The following STRBP variants were observed in gnomAD, a reference collection of about 807,000 sequenced individuals.
STRBP encodes the protein spermatid perinuclear RNA binding protein, also known as spermatid perinuclear RNA-binding protein.
In STRBP, 13 loss-of-function variants were observed where a neutral mutation model predicts 80.1. The ratio of observed to expected loss-of-function variants is 0.16; its 90% CI spans 0.11 to 0.26. The LOEUF (loss-of-function observed/expected upper bound fraction) is 0.26, where lower values mean the gene tolerates loss of function less well. Among genes scored for constraint, STRBP ranks in the 10% least tolerant of loss-of-function variants. The pLI is 1.00. For missense variants in STRBP, 485 were observed against 815.2 expected, an observed-to-expected ratio of 0.59 and a Z score of 4.93; for synonymous variants, 284 against 291.2, an observed-to-expected ratio of 0.98 and a Z score of 0.25.
Position 123,218,616 on chromosome 9 carries a change from G to A in STRBP, c.-165+18214C>T, listed in dbSNP as rs557731177. Among the ~76,000 whole-genome samples, 7 of 151,684 alleles carry A rather than the reference G, an allele frequency of 4.6e-5. No homozygotes were observed. In the East Asian group the frequency reaches 5.8e-4, roughly 13 times the overall value. On this transcript the variant is annotated intron_variant, in intron 2 of 18. Coordinates refer to ENST00000348403, the MANE Select transcript of STRBP (RefSeq NM_018387.5). ...GATCTCCTGACCTCATGATCCACCC[G>A]CCTCGGCCTCCCAAAGTGCTGGGAT...
intron 5 of STRBP, 73 bp from the exon 6 acceptor site, chr9:123,170,119 T>C: frequency 7.0e-7 from 1 of 1,425,260 alleles, no homozygotes; most frequent in East Asian, 2.6e-5. Flanking sequence ...AAACAATGCT[T>C]GTACTAAGTT....
chr9:123,259,244 T>C (rs1283992076), intron 1 of STRBP, among the ~76,000 whole-genome samples: 1 of 152,100 alleles, frequency 6.6e-6, no homozygotes, highest in East Asian at 1.9e-4. Flanking sequence ...GGTTTTGACC[T>C]GAGAAAATGG....
chr9:123,256,213 C>G (rs974695699), intron 1 of STRBP, among the ~76,000 whole-genome samples: 2 of 151,632 alleles, frequency 1.3e-5, no homozygotes, highest in African/African-American at 4.8e-5. Context: ...AAGATGTGGT[C>G]TCATTATGTT....
At chr9:123,133,605 C>T (rs763236257) in intron 16 of STRBP, among the ~76,000 whole-genome samples, 1 of 151,838 alleles carries the variant, frequency 6.6e-6, no homozygotes, top group Non-Finnish European at 1.5e-5. Context: ...ATGGTGCGAT[C>T]TCGACTCACT....
rs747163066 is a variant in STRBP at position 123,136,200 on chromosome 9, C to T, written c.1633-19G>A. On this transcript the variant is annotated intron_variant, in intron 15 of 18. Transcript: ENST00000348403. This position sits in a 1 kb window ranked among gnomAD's most constrained non-coding sequence, Gnocchi z 4.2. ...CTTCTACCTACAATCAAGAATAACA[C>T]CTTGCAATTATCCCATGCAATTCCT... The T allele has an allele frequency of 1.9e-6, 3 of 1,613,958 alleles. No homozygotes were observed. The highest frequency in any genetic ancestry group is 1.7e-5 in the Admixed American group (1 of 59,976).
In STRBP at chr9:123,147,057, G is replaced by A. The variant is rs775908892; in HGVS notation, c.1139-3C>T. The A allele has an allele frequency of 1.2e-6, 2 of 1,607,410 alleles. No individual in the cohort carries two copies. The highest frequency in any genetic ancestry group is 1.1e-5 in the South Asian group (1 of 90,040). Reference sequence around the variant, plus strand: ...GTCTATTGCTTTACTATCCAGAACTGTTAAAGAAAGAGGAATGAGGTCAGA... The same window carrying A: ...GTCTATTGCTTTACTATCCAGAACTATTAAAGAAAGAGGAATGAGGTCAGA... On this transcript the variant is annotated splice_polypyrimidine_tract_variant and splice_region_variant and intron_variant, in intron 12 of 18. Transcript: ENST00000348403.
chr9:123,132,714 A>T, intron 17 of STRBP, 131 bp downstream of exon 17: 1 of 1,296,360 alleles, frequency 7.7e-7, no homozygotes, highest in Non-Finnish European at 1.0e-6. Context: ...CTCTACTTTT[A>T]AATTTCTGTG....
intron 6 of STRBP, among the ~76,000 whole-genome samples, chr9:123,163,793 ACC>A (rs1263779037): frequency 6.6e-6 from 1 of 152,124 alleles, no homozygotes; most frequent in African/African-American, 2.4e-5. Flanking sequence ...AAACACTGCT[ACC>A]CTTGGTAGCA....
At chr9:123,196,727 A>C (rs2039105041) in intron 2 of STRBP, among the ~76,000 whole-genome samples, 1 of 152,220 alleles carries the variant, frequency 6.6e-6, no homozygotes, top group Non-Finnish European at 1.5e-5. Flanking sequence ...TCCAAAAAGC[A>C]GGCAATAACA....
intron 2 of STRBP, among the ~76,000 whole-genome samples, chr9:123,203,651 G>A (rs2039409490): frequency 6.6e-6 from 1 of 151,912 alleles, no homozygotes; most frequent in African/African-American, 2.4e-5. Context: ...GTCATCTTAT[G>A]AGCCTATCTC....
intron 4 of STRBP, among the ~76,000 whole-genome samples, chr9:123,174,802 A>G (rs2038151687): frequency 6.6e-6 from 1 of 152,252 alleles, no homozygotes; most frequent in South Asian, 2.1e-4. Flanking sequence ...TAAATGGTGC[A>G]TAAGAAAGGT....
intron 2 of STRBP, among the ~76,000 whole-genome samples, chr9:123,218,410 C>T (rs1276623044): frequency 4.2e-5 from 6 of 143,854 alleles, no homozygotes; most frequent in Non-Finnish European, 6.0e-5. Flanking sequence ...TCGCCCAGGC[C>T]GGACTGCGGA....
At chr9:123,140,341 T>A (rs559331335) in intron 13 of STRBP, among the ~76,000 whole-genome samples, 7 of 152,178 alleles carry the variant, frequency 4.6e-5, no homozygotes, top group African/African-American at 7.2e-5. Context: ...ATGCCTGTAA[T>A]CCCAGCACTT....
chr9:123,118,545 CA>C (rs1239507825), downstream of STRBP, among the ~76,000 whole-genome samples: 1 of 152,210 alleles, frequency 6.6e-6, no homozygotes, highest in Non-Finnish European at 1.5e-5. Context: ...TCAGTCAAGG[CA>C]AAAAAGTCCT....
chr9:123,259,756 C>A (rs930655346), intron 1 of STRBP, among the ~76,000 whole-genome samples: 1 of 152,112 alleles, frequency 6.6e-6, no homozygotes, highest in African/African-American at 2.4e-5. Flanking sequence ...TCCCACGAGG[C>A]AGTCCAATAT....
At chr9:123,248,264 T>C (rs1035255937) in intron 1 of STRBP, among the ~76,000 whole-genome samples, 2 of 138,642 alleles carry the variant, frequency 1.4e-5, no homozygotes, top group South Asian at 5.0e-4. Context: ...CTATCGTGTT[T>C]TTTTTTTTTT....
At chr9:123,254,829 GC>G in intron 1 of STRBP, among the ~76,000 whole-genome samples, 1 of 152,176 alleles carries the variant, frequency 6.6e-6, no homozygotes, top group East Asian at 1.9e-4. Flanking sequence ...TAATGACAGT[GC>G]CAAAATAATG....
rs536980783 is a variant in STRBP at position 123,136,940 on chromosome 9, G to A, written c.1498-425C>T. 2.6e-4 allele frequency among the ~76,000 whole-genome samples: 39 copies of A among 152,306 alleles called. No individual in the cohort carries two copies. The highest frequency in any genetic ancestry group is 9.4e-4 in the African/African-American group (39 of 41,574). On this transcript the variant is annotated intron_variant, in intron 14 of 18. Transcript: ENST00000348403. The surrounding 1 kb of genome is among the most constrained non-coding windows in gnomAD (Gnocchi z 4.2). ...AACTCTCAATTTGGGATGTTAGAGG[G>A]TAAATGTTCCCATACACCTCTCAGT...
intron 13 of STRBP, among the ~76,000 whole-genome samples, chr9:123,140,369 T>TAA (rs2036538575): frequency 6.6e-6 from 1 of 151,884 alleles, no homozygotes; most frequent in South Asian, 2.1e-4. Context: ...CCAAGGCGGG[T>TAA]GGATCATTTG....
Sources: gnomAD v4.1 joint callset for allele counts (sites outside exome capture counted in the v4.1 genomes callset) on GRCh38, gnomAD v4.1.1 for gene constraint, Gnocchi (gnomAD v3.1) non-coding constraint, MANE v1.5 for transcripts, NCBI Gene and HGNC (gene_info 2026-07-23, HGNC 2026-07-21) for gene names.